GRIK3: variants seen among roughly 807,000 people sequenced by gnomAD.
The protein encoded by GRIK3 is glutamate receptor ionotropic, kainate 3.
A neutral mutation model predicts 102.5 loss-of-function variants in GRIK3; 29 were observed. The ratio of observed to expected loss-of-function variants is 0.28; its 90% CI spans 0.21 to 0.39. The LOEUF is 0.39. Among genes scored for constraint, GRIK3 ranks in the 10% least tolerant of loss-of-function variants. GRIK3 has a pLI of 1.00. For missense variants in GRIK3, 908 were observed against 1,252.4 expected (o/e 0.73, Z 4.15); for synonymous variants, 511 against 504.9 (o/e 1.01, Z -0.16).
chr1:37,009,360 G>T (rs993436524), intron 1 of GRIK3, among the ~76,000 whole-genome samples: 1 of 152,326 alleles, frequency 6.6e-6, no homozygotes, highest in Non-Finnish European at 1.5e-5. Context: ...GACTCAAAGA[G>T]AAGGGGCAGG....
chr1:37,017,965 T>C (rs1335981442), intron 1 of GRIK3, among the ~76,000 whole-genome samples: 2 of 152,140 alleles, frequency 1.3e-5, no homozygotes, highest in Non-Finnish European at 2.9e-5. Flanking sequence ...ATGCTGCCAT[T>C]TTTTTCAGAC....
At chr1:36,966,046 C>G (rs1368003564) in intron 1 of GRIK3, among the ~76,000 whole-genome samples, 1 of 152,200 alleles carries the variant, frequency 6.6e-6, no homozygotes, top group Non-Finnish European at 1.5e-5. Flanking sequence ...TTAGCCCCAC[C>G]CGTGACACCT....
chr1:36,824,717 G>A (rs1642734455), intron 11 of GRIK3, among the ~76,000 whole-genome samples: 1 of 152,192 alleles, frequency 6.6e-6, no homozygotes, highest in East Asian at 1.9e-4. Flanking sequence ...GGAGAAGGCA[G>A]AGGGCTCCGC....
rs2124238633 is a variant in GRIK3, at chr1:36,859,234, C to T, written c.978G>A (p.Leu326=). Residue 326 remains leucine (L), a synonymous_variant, in exon 7 of 16, where the codon CTG becomes CTA. Transcript: ENST00000373091. ...DGVMMTDAAL[L]YDAVHIVSVC... ...CGGACACGATATGGACGGCGTCGTA[C>T]AGTAAGGCTGCATCAGTCTGCAGGG... is the stretch of plus-strand genomic sequence containing the variant. 1.9e-6 allele frequency: 3 copies of T among 1,611,262 alleles called. No individual in the cohort carries two copies. The highest frequency in any genetic ancestry group is 2.5e-6 in the Non-Finnish European group (3 of 1,177,976).
intron 1 of GRIK3, among the ~76,000 whole-genome samples, chr1:36,965,999 T>C (rs1642073851): frequency 6.6e-6 from 1 of 152,176 alleles, no homozygotes; most frequent in African/African-American, 2.4e-5. Flanking sequence ...CACAGTGCTA[T>C]ATTAGCCAGG....
intron 1 of GRIK3, among the ~76,000 whole-genome samples, chr1:37,033,617 C>G (rs544394830): frequency 6.6e-6 from 1 of 152,376 alleles, no homozygotes; most frequent in Non-Finnish European, 1.5e-5. Context: ...TGGCGCCTTC[C>G]CCAGGGTCCC....
intron 1 of GRIK3, among the ~76,000 whole-genome samples, chr1:37,029,074 G>A (rs1441510980): frequency 2.0e-5 from 3 of 151,790 alleles, no homozygotes; most frequent in Non-Finnish European, 4.4e-5. Flanking sequence ...AGACACTGCG[G>A]TGGCCGTCTC....
intron 1 of GRIK3, among the ~76,000 whole-genome samples, chr1:37,003,085 T>G (rs1392280244): frequency 4.0e-5 from 6 of 151,216 alleles, no homozygotes; most frequent in Non-Finnish European, 8.8e-5. Flanking sequence ...AAAGATACAG[T>G]TTCCCTTTTC....
In GRIK3 at chr1:36,806,053, C is replaced by G. The variant is rs1281858818; in HGVS notation, c.2314+51G>C. 7.9e-7 allele frequency: 1 copy of G among 1,270,554 alleles called. No homozygotes were observed. Among genetic ancestry groups the G allele is most frequent in the Non-Finnish European group, 1.1e-6 (1 of 879,800 alleles). The allele number at this position is 1,270,554 out of a possible 1,614,324, so 78.7% of individuals were successfully genotyped here. A position where few individuals can be genotyped will look rare whatever the true frequency, so the allele number is the denominator to read the frequency against. On this transcript the variant is annotated intron_variant, in intron 14 of 15. Transcript: ENST00000373091. This position sits in a 1 kb window ranked among gnomAD's most constrained non-coding sequence, Gnocchi z 4.0. ...AGTGTGAGGGGACGCGGGGGTGGAG[C>G]CCTCCCTCTGCCCACACACCCACCC...
chr1:36,972,627 C>A (rs1024297972), intron 1 of GRIK3, among the ~76,000 whole-genome samples: 1 of 152,026 alleles, frequency 6.6e-6, no homozygotes. Flanking sequence ...GAGTGTAGGG[C>A]GCTAGGAAAG....
intron 10 of GRIK3, among the ~76,000 whole-genome samples, chr1:36,838,918 C>T (rs541072546): frequency 2.8e-4 from 43 of 152,282 alleles, no homozygotes; most frequent in African/African-American, 9.9e-4. Flanking sequence ...CTGCATGTCT[C>T]GTCAGGCCTG....
intron 1 of GRIK3, among the ~76,000 whole-genome samples, chr1:36,940,090 C>G (rs971847599): frequency 2.0e-5 from 3 of 152,162 alleles, no homozygotes; most frequent in Non-Finnish European, 2.9e-5. Flanking sequence ...AAGCAATAAG[C>G]AAGGAAAATA....
intron 11 of GRIK3, among the ~76,000 whole-genome samples, chr1:36,820,175 G>A (rs1642681006): frequency 1.3e-5 from 2 of 152,108 alleles, no homozygotes; most frequent in Non-Finnish European, 2.9e-5. Context: ...GTTTATCAAA[G>A]CATTGTTTGC....
Position 36,806,273 on chromosome 1 carries a change from T to A in GRIK3, c.2145A>T (p.Pro715=), listed in dbSNP as rs187666504. 1 of 1,614,192 alleles carries A rather than the reference T, an allele frequency of 6.2e-7. No individual in the cohort carries two copies. Among genetic ancestry groups the A allele is most frequent in the Admixed American group, 1.7e-5 (1 of 60,026 alleles). Residue 715 remains proline (P), a synonymous_variant, in exon 14 of 16, where the codon CCA becomes CCT. Coordinates refer to ENST00000373091, the MANE Select transcript of GRIK3 (RefSeq NM_000831.4). This position sits in a 1 kb window ranked among gnomAD's most constrained non-coding sequence, Gnocchi z 4.0. The part of the protein sequence containing the change: ...EKMWAFMSSK[P]SALVKNNEEG... ...CCTCGTTGTTCTTCACCAGCGCCGA[T>A]GGCTTGCTGCTCATGAAGGCCCACA...
At chr1:36,828,154 A>G (rs1023334127) in intron 10 of GRIK3, among the ~76,000 whole-genome samples, 2 of 151,680 alleles carry the variant, frequency 1.3e-5, no homozygotes, top group African/African-American at 4.8e-5. Flanking sequence ...GCTTCCAGTT[A>G]GTGAGCCCCT....
chr1:37,024,319 G>C (rs146886337), intron 1 of GRIK3, among the ~76,000 whole-genome samples: 1 of 152,084 alleles, frequency 6.6e-6, no homozygotes. Flanking sequence ...GAGTCAGTGG[G>C]CATGGTGATC....
intron 1 of GRIK3, among the ~76,000 whole-genome samples, chr1:36,956,161 C>T (rs184206908): frequency 2.6e-5 from 4 of 152,320 alleles, no homozygotes; most frequent in African/African-American, 9.6e-5. Flanking sequence ...TCATCCTCTC[C>T]CCTTCTCAGA....
intron 15 of GRIK3, 124 bp from the exon 16 acceptor site, chr1:36,802,169 C>T: frequency 1.6e-6 from 1 of 630,460 alleles, no homozygotes; most frequent in Non-Finnish European, 2.7e-6. Context: ...TTTCTCACAC[C>T]TTCACCCCAC....
At position 36,859,153 on chromosome 1, in the gene GRIK3, G is replaced by A. The variant is rs772355468; in HGVS notation, c.1059C>T (p.His353=). The stretch of plus-strand genomic sequence containing the variant: ...AGCGGCCGCCAAAGCGCCAGGCCTT[G>A]TGCCGATGGCACTGCAGGGAGTTCA... ...MTVNSLQCHR[H]KAWRFGGRFM... Residue 353 remains histidine (H), a synonymous_variant, in exon 7 of 16, where the codon CAC becomes CAT. Coordinates refer to ENST00000373091, the MANE Select transcript of GRIK3 (RefSeq NM_000831.4). The A allele has an allele frequency of 6.2e-7, 1 of 1,613,720 alleles. No homozygotes were observed. Among genetic ancestry groups the A allele is most frequent in the Admixed American group, 1.7e-5 (1 of 60,010 alleles).
Sources: gnomAD v4.1 joint callset for allele counts (sites outside exome capture counted in the v4.1 genomes callset) on GRCh38, gnomAD v4.1.1 for gene constraint, Gnocchi (gnomAD v3.1) non-coding constraint, MANE v1.5 for transcripts, NCBI Gene and HGNC (gene_info 2026-07-23, HGNC 2026-07-21) for gene names.